The following MCF2L2 variants were observed in gnomAD, a reference collection of about 807,000 sequenced individuals.
MCF2L2 encodes the protein MCF.2 cell line derived transforming sequence-like 2.
A neutral mutation model predicts 150.2 loss-of-function variants in MCF2L2; 102 were observed. The observed-to-expected ratio is 0.68, with a 90% CI of 0.58 to 0.80. The LOEUF is 0.80. Ranked by LOEUF, MCF2L2 falls within the 30% of genes least tolerant of loss-of-function variation. The pLI is 0.00. For missense variants in MCF2L2, 1,256 were observed against 1,372.8 expected (o/e 0.91, Z 1.34); for synonymous variants, 465 against 491.3 (o/e 0.95, Z 0.71).
At chr3:183,253,830 T>G (rs1393021052) in intron 15 of MCF2L2, 1 of 152,252 alleles carries the variant, frequency 6.6e-6, no homozygotes, top group Non-Finnish European at 1.5e-5. Flanking sequence ...TAGTCTGTGG[T>G]CAGTTACGTG....
At chr3:183,412,245 T>G (rs1220710800) in intron 1 of MCF2L2, among the ~76,000 whole-genome samples, 1 of 152,152 alleles carries the variant, frequency 6.6e-6, no homozygotes, top group Non-Finnish European at 1.5e-5. Context: ...CAAAGGGAAT[T>G]CACAGCTACT....
chr3:183,374,543 C>T (rs1713077640), intron 3 of MCF2L2: 1 of 152,102 alleles, frequency 6.6e-6, no homozygotes, highest in Non-Finnish European at 1.5e-5. Flanking sequence ...TGGTGCGTGT[C>T]TGTAATCCCA....
At chr3:183,191,484 G>A (rs537562320) in intron 27 of MCF2L2, among the ~76,000 whole-genome samples, 5 of 151,696 alleles carry the variant, frequency 3.3e-5, no homozygotes, top group Admixed American at 1.3e-4. Context: ...GTGGATGCCC[G>A]AAACCGCAGA....
At chr3:183,293,476 C>T (rs1309446464) in intron 13 of MCF2L2, among the ~76,000 whole-genome samples, 1 of 152,078 alleles carries the variant, frequency 6.6e-6, no homozygotes. Flanking sequence ...GAAGAAAAAC[C>T]ATATCATTCT....
Position 183,309,746 on chromosome 3 carries a change from C to T in MCF2L2, c.1083G>A (p.Lys361=). Residue 361 remains lysine (K), a synonymous_variant, in exon 10 of 30, where the codon AAG becomes AAA. Transcript: ENST00000328913. ...DSVMHVEQIL[K]EHKKLEEKSQ... ...TTTTTTCCTCCAGTTTTTTGTGTTC[C>T]TTAAGAATCTGCTCCACGTGCATCA... 1 of 1,613,926 alleles carries T rather than the reference C, an allele frequency of 6.2e-7. No individual in the cohort carries two copies. Among genetic ancestry groups the T allele is most frequent in the Non-Finnish European group, 8.5e-7 (1 of 1,180,002 alleles).
At chr3:183,419,709 C>T (rs1047056694) in intron 1 of MCF2L2, among the ~76,000 whole-genome samples, 1 of 152,090 alleles carries the variant, frequency 6.6e-6, no homozygotes, top group Non-Finnish European at 1.5e-5. Context: ...CCCATCTCTA[C>T]TAAAATTACA....
chr3:183,376,262 T>G (rs1465729578), intron 3 of MCF2L2: 1 of 152,232 alleles, frequency 6.6e-6, no homozygotes, highest in Non-Finnish European at 1.5e-5. Flanking sequence ...TGAGCTATCT[T>G]CAGCGTGATT....
At chr3:183,372,694 A>G (rs981962235) in intron 3 of MCF2L2, 5 of 152,150 alleles carry the variant, frequency 3.3e-5, no homozygotes, top group Non-Finnish European at 7.4e-5. Flanking sequence ...TCGGTCTCAA[A>G]AAAGAAAGAA....
intron 27 of MCF2L2, chr3:183,180,370 G>A (rs1721477328): frequency 1.9e-6 from 1 of 518,490 alleles, no homozygotes; most frequent in African/African-American, 1.9e-5. Context: ...AATTCACCGA[G>A]AAGGCGCGTC....
chr3:183,203,142 G>C (rs1576918488), intron 25 of MCF2L2, among the ~76,000 whole-genome samples: 1 of 152,156 alleles, frequency 6.6e-6, no homozygotes, highest in Non-Finnish European at 1.5e-5. Context: ...GAACCCAGGA[G>C]GCGGAGGTTG....
chr3:183,269,230 C>CTTTTTTTTTTTTTTTTTTTTTTTTTT lies in MCF2L2; in HGVS notation c.1862+7641_1862+7642insAAAAAAAAAAAAAAAAAAAAAAAAAA, dbSNP rs60835895. On this transcript the variant is annotated intron_variant, in intron 15 of 29. Transcript: ENST00000328913. Reference sequence around the variant, plus strand: ...TACACGATTATAGCCGTTTGGGAAGCTTTTTTTTTTTTTTTTTTAAGAGTA... The same window carrying CTTTTTTTTTTTTTTTTTTTTTTTTTT: ...TACACGATTATAGCCGTTTGGGAAGCTTTTTTTTTTTTTTTTTTTTTTTTTTTTTTTTTTTTTTTTTTTTAAGAGTA... 1.1e-3 allele frequency among the ~76,000 whole-genome samples: 87 copies of CTTTTTTTTTTTTTTTTTTTTTTTTTT among 81,000 alleles called. 20 individuals are homozygous for CTTTTTTTTTTTTTTTTTTTTTTTTTT. Among genetic ancestry groups the CTTTTTTTTTTTTTTTTTTTTTTTTTT allele is most frequent in the Middle Eastern group, 7.7e-3 (1 of 130 alleles). 53.1% of individuals were successfully genotyped at this position (81,000 alleles called of 152,430 possible). A position where few individuals can be genotyped will look rare whatever the true frequency, so the allele number is the denominator to read the frequency against.
chr3:183,379,486 A>C (rs1476711480), intron 2 of MCF2L2, 75 bp from the exon 3 acceptor site: 2 of 943,392 alleles, frequency 2.1e-6, no homozygotes, highest in Admixed American at 2.3e-5. Flanking sequence ...GTTGGGCGAA[A>C]GAATATCGGT....
Position 183,221,959 on chromosome 3 carries a change from G to A in MCF2L2, c.2301+1387C>T, listed in dbSNP as rs568397628. Among the ~76,000 whole-genome samples the A allele has an allele frequency of 1.9e-3, 294 of 152,306 alleles. 2 individuals carry two copies. The highest frequency in any genetic ancestry group is 6.9e-3 in the African/African-American group (285 of 41,564). On this transcript the variant is annotated intron_variant, in intron 20 of 29. Transcript: ENST00000328913. ...CCCAAGAGGGCAAGGTCTCATAACTGACAAATGGCAGAGTACACCGAGGCT... is the reference window on the plus strand; with the variant it reads ...CCCAAGAGGGCAAGGTCTCATAACTAACAAATGGCAGAGTACACCGAGGCT...
chr3:183,292,024 CTGTGTATGTT>C (rs1258190627), intron 13 of MCF2L2, among the ~76,000 whole-genome samples: 1 of 152,028 alleles, frequency 6.6e-6, no homozygotes, highest in Non-Finnish European at 1.5e-5. Flanking sequence ...AAGGATGTCT[CTGTGTATGTT>C]TGGGTATGTC....
intron 1 of MCF2L2, among the ~76,000 whole-genome samples, chr3:183,411,985 C>G (rs1238590364): frequency 6.6e-6 from 1 of 152,154 alleles, no homozygotes; most frequent in Non-Finnish European, 1.5e-5. Context: ...TACGTTTTCT[C>G]TGTGAAATGC....
intron 3 of MCF2L2, among the ~76,000 whole-genome samples, chr3:183,362,048 A>T (rs1712239563): frequency 6.6e-6 from 1 of 152,224 alleles, no homozygotes; most frequent in African/African-American, 2.4e-5. Context: ...AAGATATCTC[A>T]TTAGGTATAC....
chr3:183,247,493 T>C (rs1488615388), intron 15 of MCF2L2, among the ~76,000 whole-genome samples: 1 of 152,188 alleles, frequency 6.6e-6, no homozygotes, highest in Non-Finnish European at 1.5e-5. Context: ...GAAAACCTCA[T>C]TACTTCAATT....
At chr3:183,369,012 G>A (rs79786848) in intron 3 of MCF2L2, among the ~76,000 whole-genome samples, 3,648 of 152,202 alleles carry the variant, frequency 0.024, 155 homozygotes, top group African/African-American at 0.082. Flanking sequence ...TTCTGGCAGT[G>A]GTACTAGAAT....
At chr3:183,297,768 C>T in intron 11 of MCF2L2, 1 of 153,936 alleles carries the variant, frequency 6.5e-6, no homozygotes, top group Non-Finnish European at 1.4e-5. Context: ...CTCAAGCAAT[C>T]CTCCCACCTC....
Sources: allele counts gnomAD v4.1 joint callset (sites outside exome capture counted in the v4.1 genomes callset), GRCh38; gene constraint gnomAD v4.1.1; transcripts MANE v1.5; gene names NCBI Gene and HGNC (gene_info 2026-07-23, HGNC 2026-07-21).